The following C7 variants were observed in gnomAD, a reference collection of about 807,000 sequenced individuals.
C7 encodes complement C7.
In C7, 83 loss-of-function variants were observed where a neutral mutation model predicts 104.8. That is an observed-to-expected ratio of 0.79 (90% CI 0.66 to 0.95). The LOEUF is 0.95. Among genes scored for constraint, C7 ranks in the 40% least tolerant of loss-of-function variants. The pLI is 0.00. For synonymous variants in C7, 415 were observed against 360.6 expected (o/e 1.15, Z -1.71); for missense variants, 1,070 against 1,011.2 (o/e 1.06, Z -0.79).
intron 1 of C7, among the ~76,000 whole-genome samples, chr5:40,924,067 A>G (rs1739500139): frequency 6.6e-6 from 1 of 152,200 alleles, no homozygotes; most frequent in Non-Finnish European, 1.5e-5. Context: ...AAAAGTCTCA[A>G]GTCTCAAGGA....
intron 13 of C7, among the ~76,000 whole-genome samples, chr5:40,964,112 G>C (rs1318580426): frequency 2.4e-5 from 3 of 125,122 alleles, no homozygotes; most frequent in Non-Finnish European, 4.8e-5. Context: ...GCACTATCTC[G>C]CCTCACTGCA....
intron 14 of C7, among the ~76,000 whole-genome samples, chr5:40,965,912 G>A (rs1479924755): frequency 6.6e-6 from 1 of 151,750 alleles, no homozygotes; most frequent in Non-Finnish European, 1.5e-5. Context: ...TAGGGTGCTA[G>A]GATTATAGGT....
rs1484329010 is a variant in C7, at chr5:40,962,114, C to T, written c.1691C>T (p.Ser564Phe). ...RLLEPHCFPL[S>F]LVPTEFCPSP... ...CTTGAACCACATTGCTTTCCTTTGTCTTTGGTTCCAACAGAATTCTGTCCA... is the reference window on the plus strand; with the variant it reads ...CTTGAACCACATTGCTTTCCTTTGTTTTTGGTTCCAACAGAATTCTGTCCA... The change falls in exon 13 of 18, where the codon TCT becomes TTT. Residue 564 changes from serine to phenylalanine, a missense_variant. Coordinates refer to ENST00000313164, the MANE Select transcript of C7 (RefSeq NM_000587.4). The T allele has an allele frequency of 2.6e-6, 4 of 1,561,762 alleles. No homozygotes were observed. The South Asian group carries it at 4.9e-5, about 19-fold the overall frequency.
chr5:40,940,853 T>C (rs1739920189), intron 6 of C7, among the ~76,000 whole-genome samples: 1 of 152,168 alleles, frequency 6.6e-6, no homozygotes, highest in South Asian at 2.1e-4. Flanking sequence ...GCATAGAAGA[T>C]GACAAAGGTG....
At chr5:40,964,075 C>T (rs1740491033) in intron 13 of C7, among the ~76,000 whole-genome samples, 1 of 111,894 alleles carries the variant, frequency 8.9e-6, no homozygotes, top group Admixed American at 1.4e-4. Context: ...CAGAGTCTTG[C>T]TCTGTCACAC....
intron 11 of C7, 137 bp downstream of exon 11, chr5:40,958,398 T>C: frequency 3.7e-6 from 2 of 544,978 alleles, no homozygotes; most frequent in Non-Finnish European, 6.3e-6. Context: ...TTCCCTTTCC[T>C]ACTTCCAGAT....
chr5:40,938,378 T>A (rs2111603003), intron 6 of C7, among the ~76,000 whole-genome samples: 1 of 152,358 alleles, frequency 6.6e-6, no homozygotes, highest in Non-Finnish European at 1.5e-5. Flanking sequence ...TATTCTTCTG[T>A]TACTTTTTTC....
intron 14 of C7, among the ~76,000 whole-genome samples, chr5:40,965,598 A>G (rs1740526134): frequency 1.3e-5 from 2 of 151,552 alleles, no homozygotes; most frequent in South Asian, 4.2e-4. Context: ...AACACTTGAT[A>G]GCATCAGACA....
rs1184792375 is a variant in C7, at chr5:40,983,482, G to A, written c.*1909G>A. Among the ~76,000 whole-genome samples the A allele has an allele frequency of 6.6e-6, 1 of 152,110 alleles. No individual in the cohort carries two copies. The highest frequency in any genetic ancestry group is 1.9e-4 in the East Asian group (1 of 5,166). On this transcript the variant is annotated 3_prime_UTR_variant, in exon 18 of 18. Transcript: ENST00000313164. The stretch of plus-strand genomic sequence containing the variant: ...AAGGAATTTCAGCAGAGTTATTGAA[G>A]GAGAAGTCAAGGAGAGGAGAAGGAG...
intron 8 of C7, among the ~76,000 whole-genome samples, chr5:40,949,653 T>C (rs1347474851): frequency 1.3e-5 from 2 of 152,190 alleles, no homozygotes; most frequent in Admixed American, 1.3e-4. Flanking sequence ...GGGTGTTCAA[T>C]TTCTACTCCC....
At chr5:40,955,804 A>G (rs1256742944) in intron 10 of C7, among the ~76,000 whole-genome samples, 1 of 152,182 alleles carries the variant, frequency 6.6e-6, no homozygotes, top group African/African-American at 2.4e-5. Flanking sequence ...CAAAATTTGC[A>G]TTTTTAACTT....
At chr5:40,940,581 T>A (rs1579851669) in intron 6 of C7, among the ~76,000 whole-genome samples, 1 of 152,366 alleles carries the variant, frequency 6.6e-6, no homozygotes, top group Middle Eastern at 3.4e-3. Context: ...GCAATTTTAA[T>A]GAATGCTGCA....
At chr5:40,968,584 ATATATATATATATATATTTTTTTTTT>A (rs1376554802) in intron 14 of C7, among the ~76,000 whole-genome samples, 11 of 50,638 alleles carry the variant, frequency 2.2e-4, no homozygotes, top group African/African-American at 1.1e-3. Context: ...ATATATATAT[ATATATATATATATATATTTTTTTTTT>A]TTTTTTTTTT....
In C7 at chr5:40,930,204, CTTT is replaced by C. The variant is rs34608357; in HGVS notation, c.63-843_63-841del. On this transcript the variant is annotated intron_variant, in intron 2 of 17. Coordinates refer to ENST00000313164, the MANE Select transcript of C7 (RefSeq NM_000587.4). ...TCTATCAATAGTCAATGACCTACCTCTTTTTTTTTTTTTTTTTTTGAGATGGAG... is the reference window on the plus strand; with the variant it reads ...TCTATCAATAGTCAATGACCTACCTCTTTTTTTTTTTTTTTTGAGATGGAG... Among the ~76,000 whole-genome samples the C allele has an allele frequency of 8.5e-3, 1,043 of 123,032 alleles. 12 individuals are homozygous for C. Among genetic ancestry groups the C allele is most frequent in the African/African-American group, 0.03 (912 of 30,174 alleles). The allele number at this position is 123,032 out of a possible 152,430, so 80.7% of individuals were successfully genotyped here.
chr5:40,915,839 A>G (rs1437123019), intron 1 of C7, among the ~76,000 whole-genome samples: 1 of 152,252 alleles, frequency 6.6e-6, no homozygotes, highest in African/African-American at 2.4e-5. Context: ...AAGATACCTA[A>G]TAAGAGAATG....
rs1386219285 is a variant in C7 at position 40,982,700 on chromosome 5, GT to G, written c.*1131del. 2 of 152,340 alleles carry G rather than the reference GT, an allele frequency of 1.3e-5. No homozygotes were observed. The highest frequency in any genetic ancestry group is 4.8e-5 in the African/African-American group (2 of 41,478). The allele number at this position is 152,340 out of a possible 1,614,324, so 9.4% of individuals were successfully genotyped here. ...CCTATTCTGTGGATACAGTCCCAGA[GT>G]TTTCAGGGAGTACACAGGTAGATTA... On this transcript the variant is annotated 3_prime_UTR_variant, in exon 18 of 18. Coordinates refer to ENST00000313164, the MANE Select transcript of C7 (RefSeq NM_000587.4).
intron 9 of C7, among the ~76,000 whole-genome samples, chr5:40,953,754 G>T (rs1740227606): frequency 9.5e-6 from 1 of 104,922 alleles, no homozygotes; most frequent in African/African-American, 3.0e-5. Flanking sequence ...GATTTGAAAT[G>T]TTCCCAACAC....
chr5:40,920,690 G>A (rs1739420367), intron 1 of C7, among the ~76,000 whole-genome samples: 1 of 151,974 alleles, frequency 6.6e-6, no homozygotes, highest in African/African-American at 2.4e-5. Flanking sequence ...AAAATAAATG[G>A]CATTCAAATT....
At position 40,951,635 on chromosome 5, in the gene C7, T is replaced by G. The variant is rs538882793; in HGVS notation, c.1093+1621T>G. Among the ~76,000 whole-genome samples, 33 of 152,168 alleles carry G rather than the reference T, an allele frequency of 2.2e-4. 1 individual carries two copies. The South Asian group carries it at 5.0e-3, about 23-fold the overall frequency. ...TCGAGAATAAACGTTGAAGAGAAAGTTGCTTTTAAAGGAAGAGATTCCATA... is the reference window on the plus strand; with the variant it reads ...TCGAGAATAAACGTTGAAGAGAAAGGTGCTTTTAAAGGAAGAGATTCCATA... On this transcript the variant is annotated intron_variant, in intron 9 of 17. Transcript: ENST00000313164.
Sources: allele counts gnomAD v4.1 joint callset (sites outside exome capture counted in the v4.1 genomes callset), GRCh38; gene constraint gnomAD v4.1.1; transcripts MANE v1.5; gene names NCBI Gene and HGNC (gene_info 2026-07-23, HGNC 2026-07-21).